Variants in NECTIN1 observed in about 807,000 individuals in gnomAD.
NECTIN1 encodes nectin cell adhesion molecule 1.
A neutral mutation model predicts 48.0 loss-of-function variants in NECTIN1; 23 were observed. The observed-to-expected ratio is 0.48, with a 90% CI of 0.34 to 0.68. NECTIN1 has a LOEUF of 0.68. NECTIN1 is among the 30% of genes least tolerant of loss of function. The pLI is 0.01. For missense variants in NECTIN1, 591 were observed against 709.9 expected (o/e 0.83, Z 1.90); for synonymous variants, 270 against 288.9 (o/e 0.93, Z 0.66).
At chr11:119,654,509 C>G (rs1864539701) in intron 5 of NECTIN1, among the ~76,000 whole-genome samples, 1 of 152,032 alleles carries the variant, frequency 6.6e-6, no homozygotes, top group Non-Finnish European at 1.5e-5. Context: ...TATTTAATAC[C>G]TGGCCCTCAG....
intron 1 of NECTIN1, chr11:119,713,807 GGTTAGCCTCA>G: frequency 2.2e-6 from 1 of 455,220 alleles, no homozygotes; most frequent in South Asian, 1.6e-5. Flanking sequence ...ATCTCTCCTG[GGTTAGCCTCA>G]GAGTTCGGCG....
At position 119,675,284 on chromosome 11, in the gene NECTIN1, A is replaced by C; in HGVS notation, c.878T>G (p.Val293Gly). The C allele has an allele frequency of 6.2e-7, 1 of 1,614,056 alleles. No individual in the cohort carries two copies. The highest frequency in any genetic ancestry group is 1.1e-5 in the South Asian group (1 of 91,078). ...TTLNGSLPKG[V>G]EAQNRTLFFK... ...GAAGAGGGTTCTGTTCTGGGCCTCC[A>C]CACCCTTGGGGAGAGAGCCATTTAG... Residue 293 changes from valine (V) to glycine (G), a missense_variant, in exon 5 of 6, where the codon GTG becomes GGG. Coordinates refer to ENST00000264025, the MANE Select transcript of NECTIN1 (RefSeq NM_002855.5).
rs1033627255 is a variant in NECTIN1 at position 119,683,908 on chromosome 11, G to A, written c.80-5143C>T. Among the ~76,000 whole-genome samples the A allele has an allele frequency of 6.6e-6, 1 of 151,952 alleles. No homozygotes were observed. The highest frequency in any genetic ancestry group is 2.4e-5 in the African/African-American group (1 of 41,538). ...GGCTGCCTCACTTCCCAGAAGTGCT[G>A]AGCCAGCATGACGGGCCTCAGGCCG... On this transcript the variant is annotated intron_variant, in intron 1 of 5. Coordinates refer to ENST00000264025, the MANE Select transcript of NECTIN1 (RefSeq NM_002855.5). The surrounding 1 kb of genome is among the most constrained non-coding windows in gnomAD (Gnocchi z 4.0).
chr11:119,722,947 A>G (rs1470274378), intron 1 of NECTIN1, among the ~76,000 whole-genome samples: 1 of 152,224 alleles, frequency 6.6e-6, no homozygotes, highest in Non-Finnish European at 1.5e-5. Flanking sequence ...TGTATTAACA[A>G]AAACCTATTT....
At chr11:119,685,230 G>A (rs529082189) in intron 1 of NECTIN1, among the ~76,000 whole-genome samples, 8 of 152,190 alleles carry the variant, frequency 5.3e-5, no homozygotes, top group Non-Finnish European at 8.8e-5. Flanking sequence ...CAGTGCCTCC[G>A]CCCCTCCTTT....
chr11:119,675,217 G>A lies in NECTIN1; in HGVS notation c.945C>T (p.Ile315=). Reference sequence around the variant, plus strand: ...TACCGATGGGGTTGGTGGCCTCACAGATGTAGGTCCCTGCCAGGCTGTAGT... The same window carrying A: ...TACCGATGGGGTTGGTGGCCTCACAAATGTAGGTCCCTGCCAGGCTGTAGT... ...PINYSLAGTY[I]CEATNPIGTR... The change falls in exon 5 of 6, where the codon ATC becomes ATT. Residue 315 remains isoleucine, a synonymous_variant. Coordinates refer to ENST00000264025, the MANE Select transcript of NECTIN1 (RefSeq NM_002855.5). 1 of 1,614,196 alleles carries A rather than the reference G, an allele frequency of 6.2e-7. No homozygotes were observed. Among genetic ancestry groups the A allele is most frequent in the Non-Finnish European group, 8.5e-7 (1 of 1,180,054 alleles).
rs942259288 is a variant in NECTIN1, at chr11:119,650,257, C to G, written c.1004-10245G>C. Among the ~76,000 whole-genome samples, 3 of 152,164 alleles carry G rather than the reference C, an allele frequency of 2.0e-5. No individual in the cohort carries two copies. In the South Asian group the frequency reaches 6.2e-4, roughly 31 times the overall value. The stretch of plus-strand genomic sequence containing the variant: ...AACCGGCCATCTGGATGTGTACGTG[C>G]AGGTCACAGGGGATATGATGGCTTA... On this transcript the variant is annotated intron_variant, in intron 5 of 7. Transcript: ENST00000341398.
intron 1 of NECTIN1, among the ~76,000 whole-genome samples, chr11:119,689,657 G>C (rs915497258): frequency 7.9e-5 from 12 of 152,218 alleles, no homozygotes; most frequent in African/African-American, 2.9e-4. Context: ...GCAGGGCTAG[G>C]AGCTCCGTGC....
At chr11:119,681,691 G>A (rs775792437) in intron 1 of NECTIN1, among the ~76,000 whole-genome samples, 36 of 152,292 alleles carry the variant, frequency 2.4e-4, no homozygotes, top group Non-Finnish European at 3.1e-4. Flanking sequence ...CTATGTTGGG[G>A]TGGAGGTTGC....
downstream of NECTIN1, among the ~76,000 whole-genome samples, chr11:119,657,854 G>A (rs1308333836): frequency 6.7e-6 from 1 of 148,438 alleles, no homozygotes; most frequent in Non-Finnish European, 1.5e-5. Flanking sequence ...CCAGGAGGTC[G>A]AGGCTGCAGT....
intron 1 of NECTIN1, among the ~76,000 whole-genome samples, chr11:119,694,548 G>A (rs1178671616): frequency 6.6e-6 from 1 of 152,224 alleles, no homozygotes; most frequent in African/African-American, 2.4e-5. Context: ...CATTGCAGAA[G>A]GTTCCTGACC....
chr11:119,669,354 T>C (rs1864827544), intron 5 of NECTIN1, among the ~76,000 whole-genome samples: 1 of 148,356 alleles, frequency 6.7e-6, no homozygotes, highest in South Asian at 2.1e-4. Flanking sequence ...GAGGTTGCAG[T>C]GAGCCAAGTT....
intron 1 of NECTIN1, among the ~76,000 whole-genome samples, chr11:119,716,654 C>T (rs540427748): frequency 4.6e-5 from 7 of 152,208 alleles, no homozygotes; most frequent in African/African-American, 2.4e-5. Flanking sequence ...TGACCTTCGC[C>T]GGTTCTCTAA....
At position 119,661,052 on chromosome 11, in the gene NECTIN1, C is replaced by T. The variant is rs1864653907; in HGVS notation, c.*3695G>A. ...TTTTAATCCTCAGTACATTTTCAACCCATCATTTTTTTTTAATACAAGTAA... is the reference window on the plus strand; with the variant it reads ...TTTTAATCCTCAGTACATTTTCAACTCATCATTTTTTTTTAATACAAGTAA... On this transcript the variant is annotated 3_prime_UTR_variant, in exon 6 of 6. Transcript: ENST00000264025. The T allele has an allele frequency of 1.0e-6, 1 of 980,720 alleles. No individual in the cohort carries two copies. The highest frequency in any genetic ancestry group is 1.8e-5 in the African/African-American group (1 of 57,062). The allele number at this position is 980,720 out of a possible 1,614,324, so 60.8% of individuals were successfully genotyped here.
chr11:119,647,733 T>A (rs981615651), intron 5 of NECTIN1, among the ~76,000 whole-genome samples: 17 of 152,138 alleles, frequency 1.1e-4, no homozygotes, highest in Admixed American at 9.2e-4. Context: ...ACTAGCAGTG[T>A]GACCTTAACT....
chr11:119,647,964 C>A (rs377263881), intron 5 of NECTIN1, among the ~76,000 whole-genome samples: 4 of 142,696 alleles, frequency 2.8e-5, no homozygotes, highest in African/African-American at 1.0e-4. Flanking sequence ...CTCAGGAGGC[C>A]GAGACAAGAG....
At chr11:119,647,152 T>C (rs1864405460) in intron 5 of NECTIN1, among the ~76,000 whole-genome samples, 1 of 134,260 alleles carries the variant, frequency 7.4e-6, no homozygotes, top group African/African-American at 2.9e-5. Context: ...GGGCCAGAGC[T>C]TGCGGCGCAT....
At chr11:119,714,971 C>T (rs7931316) in intron 1 of NECTIN1, among the ~76,000 whole-genome samples, 75,572 of 151,646 alleles carry the variant, frequency 0.5, 19,708 homozygotes, top group South Asian at 0.64. Context: ...AGACGGGGGC[C>T]GAGGCTGTCT....
In NECTIN1 at chr11:119,665,099, C is replaced by T; in HGVS notation, c.1202G>A (p.Ser401Asn). 1 of 1,614,072 alleles carries T rather than the reference C, an allele frequency of 6.2e-7. No homozygotes were observed. The highest frequency in any genetic ancestry group is 8.5e-7 in the Non-Finnish European group (1 of 1,180,012). Reference sequence around the variant, plus strand: ...GTGGTGCTGGGGGATGCCTGCCTTGCTGTAGCCGTTGCCATACACGTGCTT... The same window carrying T: ...GTGGTGCTGGGGGATGCCTGCCTTGTTGTAGCCGTTGCCATACACGTGCTT... ...TKKHVYGNGY[S>N]KAGIPQHHPP... Residue 401 changes from serine (S) to asparagine (N), a missense_variant, in exon 6 of 6, where the codon AGC becomes AAC. Ser to Asn is a conservative substitution (Grantham distance 46). Coordinates refer to ENST00000264025, the MANE Select transcript of NECTIN1 (RefSeq NM_002855.5). The surrounding 1 kb of genome is among the most constrained non-coding windows in gnomAD (Gnocchi z 5.1).
Sources: allele counts gnomAD v4.1 joint callset (sites outside exome capture counted in the v4.1 genomes callset), GRCh38; gene constraint gnomAD v4.1.1; non-coding constraint Gnocchi (gnomAD v3.1); transcripts MANE v1.5; gene names NCBI Gene and HGNC (gene_info 2026-07-23, HGNC 2026-07-21).